Variants in FGFR1OP2 observed in about 807,000 individuals in gnomAD.
The protein encoded by FGFR1OP2 is FGFR1 oncogene partner 2.
In FGFR1OP2, 17 loss-of-function variants were observed where a neutral mutation model predicts 35.2. The observed-to-expected ratio is 0.48, with a 90% confidence interval of 0.33 to 0.73. The LOEUF (loss-of-function observed/expected upper bound fraction) is 0.73, where lower values mean the gene tolerates loss of function less well. FGFR1OP2 is among the 30% of genes least tolerant of loss of function. FGFR1OP2 has a pLI of 0.02. For missense variants in FGFR1OP2, 251 were observed against 307.3 expected (o/e 0.82, Z 1.37); for synonymous variants, 105 against 104.6 (o/e 1.00, Z -0.03).
chr12:26,947,669 A>C (rs1191954731), intron 1 of FGFR1OP2, among the ~76,000 whole-genome samples: 2 of 152,216 alleles, frequency 1.3e-5, no homozygotes, highest in African/African-American at 4.8e-5. Context: ...GGTGTGAGCC[A>C]CTATGCCCGG....
rs1174799685 is a variant in FGFR1OP2, at chr12:26,950,213, GTTTTTTTTTTTT to G, written c.-14-3917_-14-3906del. Among the ~76,000 whole-genome samples, 5 of 50,942 alleles carry G rather than the reference GTTTTTTTTTTTT, an allele frequency of 9.8e-5. No homozygotes were observed. In the Admixed American group the frequency reaches 1.6e-3, roughly 17 times the overall value. 33.4% of individuals were successfully genotyped at this position (50,942 alleles called of 152,430 possible). A position where few individuals can be genotyped will look rare whatever the true frequency, so the allele number is the denominator to read the frequency against. On this transcript the variant is annotated intron_variant, in intron 1 of 6. Transcript: ENST00000229395. Reference sequence around the variant, plus strand: ...CCATCAAGTAGTTAATGTATTCGTTGTTTTTTTTTTTTTTTTTTTTTTTTTTGAGACAGAGTC... The same window carrying G: ...CCATCAAGTAGTTAATGTATTCGTTGTTTTTTTTTTTTTTGAGACAGAGTC...
At chr12:26,940,325 T>C (rs745439010) in intron 1 of FGFR1OP2, among the ~76,000 whole-genome samples, 10 of 152,230 alleles carry the variant, frequency 6.6e-5, no homozygotes, top group Admixed American at 3.3e-4. Flanking sequence ...TTCCAAAATC[T>C]TTCTTCCAAG....
At chr12:26,952,037 A>G (rs756757760) in intron 1 of FGFR1OP2, among the ~76,000 whole-genome samples, 1 of 150,216 alleles carries the variant, frequency 6.7e-6, no homozygotes, top group Non-Finnish European at 1.5e-5. Context: ...TTACTATAAA[A>G]CCAATTTTTT....
At chr12:26,956,010 A>G (rs1427843565) in intron 2 of FGFR1OP2, among the ~76,000 whole-genome samples, 8 of 151,406 alleles carry the variant, frequency 5.3e-5, no homozygotes, top group Non-Finnish European at 1.2e-4. Flanking sequence ...TTCTTAAAAC[A>G]TTATGAGATT....
chr12:26,952,015 A>G (rs567155069), intron 1 of FGFR1OP2, among the ~76,000 whole-genome samples: 31 of 151,554 alleles, frequency 2.0e-4, no homozygotes, highest in African/African-American at 7.0e-4. Context: ...CATCTGTTAT[A>G]AACTATTATT....
chr12:26,963,263 T>G (rs1302171107), intron 5 of FGFR1OP2, 79 bp from the exon 6 acceptor site: 1 of 817,530 alleles, frequency 1.2e-6, no homozygotes, highest in African/African-American at 1.7e-5. Context: ...TAAGTGGTAC[T>G]GCAGATTTTA....
intron 1 of FGFR1OP2, among the ~76,000 whole-genome samples, chr12:26,944,248 T>C (rs1293442832): frequency 6.6e-6 from 1 of 152,204 alleles, no homozygotes; most frequent in African/African-American, 2.4e-5. Context: ...TTTCTTCTTT[T>C]CCAGCCTGTA....
chr12:26,956,504 G>A, intron 2 of FGFR1OP2, 39 bp from the exon 3 acceptor site: 1 of 511,870 alleles, frequency 2.0e-6, no homozygotes, highest in Non-Finnish European at 3.2e-6. Context: ...ATATATATTT[G>A]CAGGTATTTT....
At chr12:26,944,045 G>A (rs1378304860) in intron 1 of FGFR1OP2, among the ~76,000 whole-genome samples, 4 of 151,630 alleles carry the variant, frequency 2.6e-5, no homozygotes, top group Admixed American at 6.6e-5. Flanking sequence ...TTTTGCTATT[G>A]TAAATGTGTG....
In FGFR1OP2 at chr12:26,950,210, G is replaced by GTTGTTTT. The variant is rs372938070; in HGVS notation, c.-14-3932_-14-3926dup. ...AAGCCATCAAGTAGTTAATGTATTC[G>GTTGTTTT]TTGTTTTTTTTTTTTTTTTTTTTTT... On this transcript the variant is annotated intron_variant, in intron 1 of 6. Coordinates refer to ENST00000229395, the MANE Select transcript of FGFR1OP2 (RefSeq NM_015633.3). 1.2e-3 allele frequency among the ~76,000 whole-genome samples: 36 copies of GTTGTTTT among 29,744 alleles called. 4 individuals are homozygous for GTTGTTTT. Among genetic ancestry groups the GTTGTTTT allele is most frequent in the Non-Finnish European group, 2.0e-3 (35 of 17,502 alleles). The allele number at this position is 29,744 out of a possible 152,430, so 19.5% of individuals were successfully genotyped here.
intron 1 of FGFR1OP2, among the ~76,000 whole-genome samples, chr12:26,945,478 G>T (rs1938805250): frequency 6.6e-6 from 1 of 152,084 alleles, no homozygotes; most frequent in Non-Finnish European, 1.5e-5. Context: ...TTATATAGAA[G>T]TACATTGTTT....
At position 26,954,953 on chromosome 12, in the gene FGFR1OP2, A is replaced by G. The variant is rs541405091; in HGVS notation, c.135+660A>G. On this transcript the variant is annotated intron_variant, in intron 2 of 6. Coordinates refer to ENST00000229395, the MANE Select transcript of FGFR1OP2 (RefSeq NM_015633.3). ...CATTATGATGGAAATCAGAGGGGGAAAATGTATATTCACAGCCAAATCTCC... is the reference window on the plus strand; with the variant it reads ...CATTATGATGGAAATCAGAGGGGGAGAATGTATATTCACAGCCAAATCTCC... Among the ~76,000 whole-genome samples, 62 of 152,350 alleles carry G rather than the reference A, an allele frequency of 4.1e-4. 1 individual carries two copies. The highest frequency in any genetic ancestry group is 1.4e-3 in the African/African-American group (58 of 41,574).
At chr12:26,959,739 A>T (rs556682435) in intron 4 of FGFR1OP2, among the ~76,000 whole-genome samples, 1 of 152,120 alleles carries the variant, frequency 6.6e-6, no homozygotes, top group South Asian at 2.1e-4. Flanking sequence ...ATTTGTTATT[A>T]ATTTTCACTA....
intron 1 of FGFR1OP2, among the ~76,000 whole-genome samples, chr12:26,943,812 A>G (rs138370626): frequency 6.6e-6 from 1 of 152,324 alleles, no homozygotes; most frequent in Non-Finnish European, 1.5e-5. Flanking sequence ...TGGGCGACAG[A>G]CTAAGACTCT....
intron 1 of FGFR1OP2, among the ~76,000 whole-genome samples, chr12:26,939,491 T>G (rs1938675514): frequency 6.6e-6 from 1 of 152,218 alleles, no homozygotes; most frequent in Admixed American, 6.5e-5. Flanking sequence ...CATACAAGAC[T>G]ATACTGGCTA....
intron 2 of FGFR1OP2, 57 bp from the exon 3 acceptor site, chr12:26,956,486 A>G: frequency 3.0e-6 from 1 of 337,154 alleles, no homozygotes; most frequent in Non-Finnish European, 5.0e-6. Context: ...TATCATATAT[A>G]TATATATATA....
rs573397660 is a variant in FGFR1OP2 at position 26,958,931 on chromosome 12, T to G, written c.396+1188T>G. On this transcript the variant is annotated intron_variant, in intron 4 of 6. Transcript: ENST00000229395. ...AATATTATTTAAGAAACAGTGATTA[T>G]GAGCCTTCTTTTCCCCATTTGTTAC... Among the ~76,000 whole-genome samples the G allele has an allele frequency of 7.9e-5, 12 of 152,324 alleles. No individual in the cohort carries two copies. In the South Asian group the frequency reaches 2.5e-3, roughly 32 times the overall value.
intron 1 of FGFR1OP2, among the ~76,000 whole-genome samples, chr12:26,951,931 A>G (rs1281701280): frequency 6.6e-6 from 1 of 152,180 alleles, no homozygotes; most frequent in Non-Finnish European, 1.5e-5. Context: ...TATTAAACCA[A>G]GGTAAACTTT....
At chr12:26,952,837 T>C (rs1203918584) in intron 1 of FGFR1OP2, among the ~76,000 whole-genome samples, 1 of 152,182 alleles carries the variant, frequency 6.6e-6, no homozygotes, top group East Asian at 1.9e-4. Context: ...TTCACTTGGA[T>C]CTACACCAAA....
Sources: gnomAD v4.1 joint callset for allele counts (sites outside exome capture counted in the v4.1 genomes callset) on GRCh38, gnomAD v4.1.1 for gene constraint, MANE v1.5 for transcripts, NCBI Gene and HGNC (gene_info 2026-07-23, HGNC 2026-07-21) for gene names.